Variants in CALN1 observed in about 807,000 individuals in gnomAD.
CALN1 encodes the protein calneuron 1.
A neutral mutation model predicts 30.6 loss-of-function variants in CALN1; 17 were observed. That is an observed-to-expected ratio of 0.56 (90% CI 0.38 to 0.83). The LOEUF (loss-of-function observed/expected upper bound fraction) is 0.83. CALN1 is among the 40% of genes least tolerant of loss of function. The pLI, the probability that CALN1 is intolerant of heterozygous loss-of-function variation, is 0.00. For synonymous variants in CALN1, 156 were observed against 131.4 expected (o/e 1.19, Z -1.28); for missense variants, 291 against 354.9 (o/e 0.82, Z 1.45).
intron 2 of CALN1, among the ~76,000 whole-genome samples, chr7:72,333,483 G>T (rs940663217): frequency 6.6e-6 from 1 of 152,176 alleles, no homozygotes; most frequent in Admixed American, 6.5e-5. Context: ...AGCGTTCTGA[G>T]AAATCTGCCA....
chr7:71,960,829 G>GT (rs540252010), intron 5 of CALN1, among the ~76,000 whole-genome samples: 19 of 152,036 alleles, frequency 1.2e-4, no homozygotes, highest in African/African-American at 3.9e-4. Flanking sequence ...TAATTTAATT[G>GT]TTTTTTGAGA....
chr7:71,891,929 G>A (rs1171953509), intron 5 of CALN1, among the ~76,000 whole-genome samples: 3 of 150,964 alleles, frequency 2.0e-5, no homozygotes, highest in Non-Finnish European at 4.4e-5. Flanking sequence ...GGGCAACAGA[G>A]TGAGACTCCG....
chr7:72,458,202 T>G, the CALN1 span, among the ~76,000 whole-genome samples: 11 of 117,994 alleles, frequency 9.3e-5, 1 homozygote, highest in East Asian at 4.3e-4. Flanking sequence ...TTATAATATA[T>G]AATATATTTT....
intron 3 of CALN1, among the ~76,000 whole-genome samples, chr7:72,266,104 A>T (rs1207877831): frequency 6.6e-6 from 1 of 152,086 alleles, no homozygotes; most frequent in Non-Finnish European, 1.5e-5. Flanking sequence ...ACCACATTCC[A>T]GCCTGGACAA....
At chr7:71,884,218 A>T (rs2116836518) in intron 5 of CALN1, among the ~76,000 whole-genome samples, 1 of 152,124 alleles carries the variant, frequency 6.6e-6, no homozygotes, top group Non-Finnish European at 1.5e-5. Flanking sequence ...CGGCCATATC[A>T]GCCTCTTTGG....
intron 5 of CALN1, among the ~76,000 whole-genome samples, chr7:71,890,048 G>C (rs1220757667): frequency 1.3e-5 from 2 of 151,838 alleles, no homozygotes; most frequent in Non-Finnish European, 2.9e-5. Context: ...GAGGTTATTT[G>C]AGTTGAATCC....
chr7:71,976,768 A>T (rs1798119618), intron 5 of CALN1, among the ~76,000 whole-genome samples: 1 of 152,182 alleles, frequency 6.6e-6, no homozygotes, highest in Non-Finnish European at 1.5e-5. Flanking sequence ...TTATGAGATA[A>T]AAGAACTGAC....
At chr7:72,220,751 G>A (rs1793229191) in intron 3 of CALN1, among the ~76,000 whole-genome samples, 1 of 152,214 alleles carries the variant, frequency 6.6e-6, no homozygotes, top group South Asian at 2.1e-4. Flanking sequence ...GGTGTGAGAT[G>A]GCATCTCATT....
chr7:72,205,162 T>C (rs956853864), intron 3 of CALN1, among the ~76,000 whole-genome samples: 7 of 152,006 alleles, frequency 4.6e-5, no homozygotes, highest in Admixed American at 1.3e-4. Context: ...GCAAAACCTG[T>C]TCACATTCTT....
At chr7:72,401,619 T>C (rs1321719070) in intron 2 of CALN1, among the ~76,000 whole-genome samples, 2 of 152,174 alleles carry the variant, frequency 1.3e-5, no homozygotes, top group African/African-American at 4.8e-5. Context: ...CCTTGGGTCA[T>C]CACTGTCCCC....
intron 3 of CALN1, among the ~76,000 whole-genome samples, chr7:72,203,307 C>G (rs915185656): frequency 1.1e-4 from 16 of 151,870 alleles, no homozygotes; most frequent in African/African-American, 1.4e-4. Context: ...ACCTATGTAA[C>G]AAACCTGCAC....
intron 4 of CALN1, among the ~76,000 whole-genome samples, chr7:72,087,358 C>T (rs549764484): frequency 2.0e-5 from 3 of 152,180 alleles, no homozygotes; most frequent in Non-Finnish European, 4.4e-5. Context: ...ATGGTGAAAC[C>T]CTGTCTCTAC....
At chr7:72,008,952 G>A (rs774824589) in intron 5 of CALN1, among the ~76,000 whole-genome samples, 13 of 152,074 alleles carry the variant, frequency 8.5e-5, no homozygotes, top group Non-Finnish European at 1.9e-4. Context: ...CACTGTGCCC[G>A]GCCTCAAATA....
chr7:72,378,125 T>C (rs1804676806), intron 2 of CALN1, among the ~76,000 whole-genome samples: 1 of 152,214 alleles, frequency 6.6e-6, no homozygotes, highest in Non-Finnish European at 1.5e-5. Flanking sequence ...CCCCTGGTAG[T>C]GGTTTCAGCA....
chr7:72,054,460 T>TATATACACAC lies in CALN1; in HGVS notation c.389-30692_389-30691insGTGTGTATAT, dbSNP rs1450817880. Among the ~76,000 whole-genome samples the TATATACACAC allele has an allele frequency of 2.8e-4, 22 of 78,574 alleles. 4 individuals carry two copies. In the East Asian group the frequency reaches 4.3e-3, roughly 15 times the overall value. 51.5% of individuals were successfully genotyped at this position (78,574 alleles called of 152,430 possible). On this transcript the variant is annotated intron_variant, in intron 4 of 6. Transcript: ENST00000395275. ...ATATATATATATACATATATATACA[T>TATATACACAC]ATATATACATATATACATACATATA...
intron 2 of CALN1, among the ~76,000 whole-genome samples, chr7:72,401,067 G>A (rs536912876): frequency 1.3e-5 from 2 of 152,282 alleles, no homozygotes; most frequent in East Asian, 1.9e-4. Flanking sequence ...CCTGGTGCCC[G>A]TTTTTGCTAA....
At chr7:72,316,318 A>G (rs2129556833) in intron 2 of CALN1, among the ~76,000 whole-genome samples, 1 of 151,584 alleles carries the variant, frequency 6.6e-6, no homozygotes, top group East Asian at 2.0e-4. Flanking sequence ...GGGTGGTGCA[A>G]AAGTAATTAC....
At chr7:72,435,772 T>C (rs1383273033) in intron 1 of CALN1, among the ~76,000 whole-genome samples, 3 of 152,232 alleles carry the variant, frequency 2.0e-5, no homozygotes, top group Admixed American at 2.0e-4. Flanking sequence ...CATTTTCTAA[T>C]AAATTTTAAC....
intron 1 of CALN1, among the ~76,000 whole-genome samples, chr7:72,419,621 G>A (rs1057018742): frequency 3.9e-5 from 6 of 152,022 alleles, no homozygotes; most frequent in South Asian, 2.1e-4. Context: ...TTGGAGCCTC[G>A]GCCCTAAGTG....
Sources: gnomAD v4.1 joint callset for allele counts (sites outside exome capture counted in the v4.1 genomes callset) on GRCh38, gnomAD v4.1.1 for gene constraint, MANE v1.5 for transcripts, NCBI Gene and HGNC (gene_info 2026-07-23, HGNC 2026-07-21) for gene names.